The following TNFRSF11A variants were observed in gnomAD, a reference collection of about 807,000 sequenced individuals.
TNFRSF11A encodes TNF receptor superfamily member 11a, also known as tumor necrosis factor receptor superfamily member 11A.
A neutral mutation model predicts 55.7 loss-of-function variants in TNFRSF11A; 32 were observed. The ratio of observed to expected loss-of-function variants is 0.57; its 90% CI spans 0.43 to 0.77. TNFRSF11A has a LOEUF of 0.77. Among genes scored for constraint, TNFRSF11A ranks in the 30% least tolerant of loss-of-function variants. TNFRSF11A has a pLI of 0.00. For missense variants in TNFRSF11A, 753 were observed against 809.8 expected (o/e 0.93, Z 0.85); for synonymous variants, 311 against 331.0 (o/e 0.94, Z 0.65).
At chr18:62,356,268 C>T (rs971575278) in intron 4 of TNFRSF11A, among the ~76,000 whole-genome samples, 1 of 152,168 alleles carries the variant, frequency 6.6e-6, no homozygotes, top group African/African-American at 2.4e-5. Context: ...AGGAAAATGT[C>T]CATCACAGAG....
At position 62,329,314 on chromosome 18, in the gene TNFRSF11A, T is replaced by A. The variant is rs561479153; in HGVS notation, c.75+3887T>A. 3.3e-4 allele frequency among the ~76,000 whole-genome samples: 51 copies of A among 152,322 alleles called. No individual in the cohort carries two copies. The East Asian group carries it at 6.9e-3, about 21-fold the overall frequency. ...CTGGCCAGGTGGCCCATGGCCTGAC[T>A]GCTGTCTCCTCACAGCATCCTGGCC... On this transcript the variant is annotated intron_variant, in intron 1 of 9. Transcript: ENST00000586569.
chr18:62,341,644 C>G (rs1286839714), intron 1 of TNFRSF11A, among the ~76,000 whole-genome samples: 1 of 152,194 alleles, frequency 6.6e-6, no homozygotes, highest in Non-Finnish European at 1.5e-5. Flanking sequence ...ATCTCCATTT[C>G]TCCCAGCAGC....
chr18:62,338,539 AT>A (rs1391528344), intron 1 of TNFRSF11A, among the ~76,000 whole-genome samples: 1 of 152,238 alleles, frequency 6.6e-6, no homozygotes, highest in Admixed American at 6.5e-5. Context: ...CCTTGGAGAC[AT>A]TATGCTAAGC....
At chr18:62,327,400 T>C (rs6567266) in intron 1 of TNFRSF11A, among the ~76,000 whole-genome samples, 116,365 of 152,142 alleles carry the variant, frequency 0.76, 44,899 homozygotes, top group Non-Finnish European at 0.81. Context: ...TCCTGAACTC[T>C]TTCACAATCA....
At chr18:62,334,408 G>T (rs917542100) in intron 1 of TNFRSF11A, among the ~76,000 whole-genome samples, 1 of 152,084 alleles carries the variant, frequency 6.6e-6, no homozygotes, top group Non-Finnish European at 1.5e-5. Flanking sequence ...TGGGTGTACC[G>T]CCTCAGAGGG....
chr18:62,371,278 A>C (rs1910533574), intron 9 of TNFRSF11A, among the ~76,000 whole-genome samples: 1 of 152,152 alleles, frequency 6.6e-6, no homozygotes, highest in African/African-American at 2.4e-5. Context: ...CCGGTTTTTC[A>C]GTGGGTGACA....
intron 2 of TNFRSF11A, 33 bp from the exon 3 acceptor site, chr18:62,349,779 G>C: frequency 3.7e-6 from 6 of 1,612,620 alleles, no homozygotes; most frequent in Non-Finnish European, 5.1e-6. Flanking sequence ...TTGGTTTTTT[G>C]ATGGTTGCAT....
Position 62,384,828 on chromosome 18 carries a change from G to T in TNFRSF11A, c.1645G>T (p.Val549Phe), listed in dbSNP as rs1338778571. Residue 549 changes from valine (V) to phenylalanine (F), a missense_variant, in exon 10 of 10, where the codon GTC becomes TTC. By Grantham distance (50) the Val-to-Phe change is conservative (BLOSUM62 -1). Transcript: ENST00000586569. ...VMNFKGDIIV[V>F]YVSQTSQEGA... The stretch of plus-strand genomic sequence containing the variant: ...GAACTTCAAGGGCGACATCATCGTG[G>T]TCTACGTCAGCCAGACCTCGCAGGA... 1.9e-6 allele frequency: 3 copies of T among 1,611,746 alleles called. No individual in the cohort carries two copies. Among genetic ancestry groups the T allele is most frequent in the South Asian group, 2.2e-5 (2 of 90,274 alleles).
chr18:62,347,905 AAAAAAAAAC>A (rs1402869173), intron 1 of TNFRSF11A, among the ~76,000 whole-genome samples: 1 of 150,600 alleles, frequency 6.6e-6, no homozygotes, highest in Non-Finnish European at 1.5e-5. Flanking sequence ...CTCTGTCTAA[AAAAAAAAAC>A]AAAAAAACAA....
chr18:62,342,119 G>C (rs564538216), intron 1 of TNFRSF11A, among the ~76,000 whole-genome samples: 1 of 150,784 alleles, frequency 6.6e-6, no homozygotes, highest in Non-Finnish European at 1.5e-5. Flanking sequence ...CCCATGTGCA[G>C]ACTGGGTGTG....
rs370357382 is a variant in TNFRSF11A at position 62,363,515 on chromosome 18, T to C, written c.730+1722T>C. ...TCCTGAGTACCTGGGATTACGGGCA[T>C]TTGCCACCATGCCTGGCTAATTTTT... On this transcript the variant is annotated intron_variant, in intron 7 of 9. Transcript: ENST00000586569. 3.9e-5 allele frequency among the ~76,000 whole-genome samples: 6 copies of C among 151,988 alleles called. No homozygotes were observed. In the South Asian group the frequency reaches 1.3e-3, roughly 32 times the overall value.
chr18:62,335,130 T>C (rs1199978700), intron 1 of TNFRSF11A, among the ~76,000 whole-genome samples: 1 of 8,654 alleles, frequency 1.2e-4, no homozygotes, highest in Non-Finnish European at 1.8e-4. Context: ...GGGGTCGGAA[T>C]TTTTTTTTTT....
chr18:62,341,046 T>A (rs1028450709), intron 1 of TNFRSF11A, among the ~76,000 whole-genome samples: 9 of 152,278 alleles, frequency 5.9e-5, no homozygotes, highest in Admixed American at 2.6e-4. Flanking sequence ...CTGCCGAGCT[T>A]ATTTAAAATG....
rs891368561 is a variant in TNFRSF11A, at chr18:62,387,084, G to T, written c.*2050G>T. ...TTTCCTTCTATAAAAAGGCAATAAT[G>T]ATAATTTATAATAGTTTCCCTACCC... is the stretch of plus-strand genomic sequence containing the variant. On this transcript the variant is annotated 3_prime_UTR_variant, in exon 10 of 10. Transcript: ENST00000586569. 1 of 152,140 alleles carries T rather than the reference G, an allele frequency of 6.6e-6. No homozygotes were observed. The highest frequency in any genetic ancestry group is 6.5e-5 in the Admixed American group (1 of 15,278). 9.4% of individuals were successfully genotyped at this position (152,140 alleles called of 1,614,324 possible). A position where few individuals can be genotyped will look rare whatever the true frequency, so the allele number is the denominator to read the frequency against.
intron 5 of TNFRSF11A, 80 bp downstream of exon 5, chr18:62,358,421 C>T (rs897233778): frequency 1.2e-5 from 16 of 1,363,872 alleles, no homozygotes; most frequent in Non-Finnish European, 1.4e-5. Context: ...GGGTTGAAAA[C>T]GGACGGATTC....
intron 2 of TNFRSF11A, among the ~76,000 whole-genome samples, 158 bp from the exon 3 acceptor site, chr18:62,349,654 C>T (rs903275772): frequency 6.6e-6 from 1 of 152,186 alleles, no homozygotes. Flanking sequence ...GTGGCCTCTT[C>T]TCCTGTGTCA....
chr18:62,366,620 C>G, intron 7 of TNFRSF11A, 88 bp from the exon 8 acceptor site: 1 of 1,368,284 alleles, frequency 7.3e-7, no homozygotes. Context: ...ATGTTGTATA[C>G]CTTAAATATA....
chr18:62,338,387 T>G (rs894009324), intron 1 of TNFRSF11A, among the ~76,000 whole-genome samples: 2 of 152,210 alleles, frequency 1.3e-5, no homozygotes, highest in Non-Finnish European at 2.9e-5. Flanking sequence ...GCAGGATTAT[T>G]CACTGTAGCC....
At position 62,343,119 on chromosome 18, in the gene TNFRSF11A, C is replaced by A. The variant is rs9949037; in HGVS notation, c.76-5049C>A. On this transcript the variant is annotated intron_variant, in intron 1 of 9. Transcript: ENST00000586569. Reference sequence around the variant, plus strand: ...GTTGTTTTCACATTTAATCGTTTCTCTCTTAAGAAAAACCACATCTTTCGA... The same window carrying A: ...GTTGTTTTCACATTTAATCGTTTCTATCTTAAGAAAAACCACATCTTTCGA... Among the ~76,000 whole-genome samples the A allele has an allele frequency of 7.8e-3, 1,192 of 152,300 alleles. 18 individuals carry two copies. The highest frequency in any genetic ancestry group is 0.027 in the African/African-American group (1,103 of 41,576).
Sources: allele counts gnomAD v4.1 joint callset (sites outside exome capture counted in the v4.1 genomes callset), GRCh38; gene constraint gnomAD v4.1.1; transcripts MANE v1.5; gene names NCBI Gene and HGNC (gene_info 2026-07-23, HGNC 2026-07-21).